The following CACNA1I variants were observed in gnomAD, a reference collection of about 807,000 sequenced individuals.
CACNA1I encodes the protein voltage-dependent T-type calcium channel subunit alpha-1I.
Under a neutral mutation model 201.6 loss-of-function variants are expected in CACNA1I, and 74 were observed. The observed-to-expected ratio is 0.37, with a 90% confidence interval of 0.30 to 0.45. CACNA1I has a LOEUF of 0.45. Among genes scored for constraint, CACNA1I ranks in the 20% least tolerant of loss-of-function variants. The pLI is 1.00. For synonymous variants in CACNA1I, 1,431 were observed against 1,345.2 expected (o/e 1.06, Z -1.40); for missense variants, 2,346 against 3,138.1 (o/e 0.75, Z 6.03).
chr22:39,665,222 G>A lies in CACNA1I; in HGVS notation c.3852-276G>A, dbSNP rs1038342897. Among the ~76,000 whole-genome samples the A allele has an allele frequency of 3.9e-5, 6 of 152,182 alleles. No individual in the cohort carries two copies. The highest frequency in any genetic ancestry group is 7.4e-5 in the Non-Finnish European group (5 of 68,018). ...ACCAGGGTGTGGTGTGGACCCCGAGGAGCTGGGCACAGTGAGGGGTGAGGG... is the reference window on the plus strand; with the variant it reads ...ACCAGGGTGTGGTGTGGACCCCGAGAAGCTGGGCACAGTGAGGGGTGAGGG... On this transcript the variant is annotated intron_variant, in intron 21 of 36. Coordinates refer to ENST00000402142, the MANE Select transcript of CACNA1I (RefSeq NM_021096.4). This position sits in a 1 kb window ranked among gnomAD's most constrained non-coding sequence, Gnocchi z 5.5.
chr22:39,581,115 G>A (rs1932533889), intron 1 of CACNA1I, among the ~76,000 whole-genome samples: 1 of 152,226 alleles, frequency 6.6e-6, no homozygotes. Flanking sequence ...TGAGTGACAG[G>A]AGAACAGGGC....
At chr22:39,578,035 C>T (rs894152858) in intron 1 of CACNA1I, among the ~76,000 whole-genome samples, 5 of 151,954 alleles carry the variant, frequency 3.3e-5, no homozygotes, top group Admixed American at 2.0e-4. Flanking sequence ...CTGGAGCTGA[C>T]GGAGTCGCTG....
chr22:39,626,078 G>A (rs905959472), intron 4 of CACNA1I, among the ~76,000 whole-genome samples: 35 of 152,224 alleles, frequency 2.3e-4, no homozygotes, highest in African/African-American at 8.0e-4. Context: ...TGACAATGCT[G>A]TGGGGAAGGC....
At chr22:39,596,140 A>G (rs1422252847) in intron 1 of CACNA1I, among the ~76,000 whole-genome samples, 85 of 70,192 alleles carry the variant, frequency 1.2e-3, no homozygotes, top group Middle Eastern at 6.1e-3. Context: ...CAGGGCGGAG[A>G]GAGATGGGGG....
At position 39,662,110 on chromosome 22, in the gene CACNA1I, G is replaced by A. The variant is rs1288246546; in HGVS notation, c.3047G>A (p.Arg1016Gln). 71 of 1,525,664 alleles carry A rather than the reference G, an allele frequency of 4.7e-5. No individual in the cohort carries two copies. Among genetic ancestry groups the A allele is most frequent in the Non-Finnish European group, 5.9e-5 (67 of 1,140,942 alleles). 94.5% of individuals were successfully genotyped at this position (1,525,664 alleles called of 1,614,324 possible). ...TCTGCGGAGCGCGGCGGCGGCGCCC[G>A]GGTCTGCGAGGTTGCCGCGGACGAG... ...LLSAERGGGARVCEVAADEGP... is the reference protein window; with the variant it reads ...LLSAERGGGAQVCEVAADEGP... The change falls in exon 17 of 37, where the codon CGG (arginine) becomes CAG (glutamine). Residue 1016 changes from arginine to glutamine, a missense_variant. Physicochemically the swap from Arg to Gln is conservative, Grantham distance 43. Transcript: ENST00000402142.
intron 7 of CACNA1I, 148 bp from the exon 8 acceptor site, chr22:39,646,421 C>A: frequency 7.8e-7 from 1 of 1,287,670 alleles, no homozygotes; most frequent in South Asian, 1.6e-5. Context: ...GCCTCTGTAC[C>A]GCCATCTCCA....
chr22:39,646,646 C>A lies in CACNA1I; in HGVS notation c.1227C>A (p.His409Gln), dbSNP rs766554740. 5 of 1,574,594 alleles carry A rather than the reference C, an allele frequency of 3.2e-6. No individual in the cohort carries two copies. The highest frequency in any genetic ancestry group is 3.4e-6 in the Non-Finnish European group (4 of 1,160,492). The change falls in exon 8 of 37, where the codon CAC (histidine) becomes CAA (glutamine). Residue 409 changes from histidine to glutamine, a missense_variant. Physicochemically the swap from His to Gln is conservative, Grantham distance 24. Coordinates refer to ENST00000402142, the MANE Select transcript of CACNA1I (RefSeq NM_021096.4). ...TQFSETKQRE[H>Q]RLMLEQRQRY... ...TCTCGGAGACCAAGCAACGGGAGCA[C>A]CGGCTGATGCTGGAGCAGCGGCAGC...
intron 1 of CACNA1I, chr22:39,571,238 T>C: frequency 5.5e-6 from 3 of 549,412 alleles, no homozygotes; most frequent in South Asian, 2.0e-5. Flanking sequence ...GTCCAGTGGC[T>C]GGCTGGCTCA....
chr22:39,632,965 T>C (rs999493412), intron 4 of CACNA1I, among the ~76,000 whole-genome samples: 6 of 151,968 alleles, frequency 3.9e-5, no homozygotes, highest in African/African-American at 1.4e-4. Flanking sequence ...GACCTAGTTT[T>C]GTGGAGAGGG....
chr22:39,622,537 G>A (rs574781912), intron 4 of CACNA1I, among the ~76,000 whole-genome samples: 1 of 150,794 alleles, frequency 6.6e-6, no homozygotes, highest in East Asian at 2.0e-4. Flanking sequence ...GAGGGCAGTG[G>A]GAGCATAGGA....
intron 3 of CACNA1I, among the ~76,000 whole-genome samples, chr22:39,613,916 C>G (rs1933457317): frequency 1.3e-5 from 2 of 152,132 alleles, no homozygotes; most frequent in South Asian, 4.1e-4. Context: ...CAGCTCACTG[C>G]AACCTCCGCC....
At chr22:39,632,523 C>A (rs1211056932) in intron 4 of CACNA1I, among the ~76,000 whole-genome samples, 1 of 152,136 alleles carries the variant, frequency 6.6e-6, no homozygotes, top group African/African-American at 2.4e-5. Context: ...CAGACACAGT[C>A]CTTTGGCTCA....
At chr22:39,582,824 C>A (rs1427938643) in intron 1 of CACNA1I, among the ~76,000 whole-genome samples, 1 of 147,674 alleles carries the variant, frequency 6.8e-6, no homozygotes, top group Non-Finnish European at 1.5e-5. Flanking sequence ...TTACTCCCCA[C>A]CCACCCTTCT....
rs1212826375 is a variant in CACNA1I at position 39,600,497 on chromosome 22, C to T, written c.349-23C>T. 3.7e-6 allele frequency: 6 copies of T among 1,607,226 alleles called. No homozygotes were observed. In the South Asian group the frequency reaches 5.5e-5, roughly 15 times the overall value. ...CTCTGCAACCTCACCCTGTCCCTTGCTTCCCTCCTCCTGCCCCTGCAGGTC... is the reference window on the plus strand; with the variant it reads ...CTCTGCAACCTCACCCTGTCCCTTGTTTCCCTCCTCCTGCCCCTGCAGGTC... On this transcript the variant is annotated intron_variant, in intron 2 of 36. Coordinates refer to ENST00000402142, the MANE Select transcript of CACNA1I (RefSeq NM_021096.4).
intron 7 of CACNA1I, chr22:39,643,593 CTCTGGCT>C (rs1464229340): frequency 6.5e-6 from 1 of 152,712 alleles, no homozygotes; most frequent in Non-Finnish European, 1.5e-5. Flanking sequence ...AGGTTGGGTT[CTCTGGCT>C]TCCTGGTGGT....
intron 3 of CACNA1I, among the ~76,000 whole-genome samples, chr22:39,617,219 G>C (rs1933565134): frequency 6.6e-6 from 1 of 152,208 alleles, no homozygotes; most frequent in Non-Finnish European, 1.5e-5. Flanking sequence ...TCATGGCGAG[G>C]CTTCATGGGG....
rs901337501 is a variant in CACNA1I, at chr22:39,664,093, A to G, written c.3600A>G (p.Glu1200=). 1 of 1,613,588 alleles carries G rather than the reference A, an allele frequency of 6.2e-7. No individual in the cohort carries two copies. The highest frequency in any genetic ancestry group is 1.1e-5 in the South Asian group (1 of 91,038). Residue 1200 remains glutamate (E), a splice_region_variant and synonymous_variant, in exon 20 of 37, where the codon GAA becomes GAG. Transcript: ENST00000402142. ...ERPQIEAGST[E]RIFLTVSNYI... ...ATGGTATCTCCCGATGCTTTCAGGA[A>G]CGCATCTTTCTCACCGTGTCCAACT...
intron 1 of CACNA1I, among the ~76,000 whole-genome samples, chr22:39,573,773 T>C (rs1323809603): frequency 1.3e-5 from 2 of 152,130 alleles, no homozygotes; most frequent in African/African-American, 2.4e-5. Flanking sequence ...CCTCAGGTCA[T>C]GTGGGTTGTG....
chr22:39,673,134 G>A (rs1030748859), intron 28 of CACNA1I, 52 bp downstream of exon 28: 5 of 1,101,930 alleles, frequency 4.5e-6, no homozygotes, highest in African/African-American at 1.6e-5. Context: ...GGCGGGATGA[G>A]ACTCCTCATT....
Sources: gnomAD v4.1 joint callset for allele counts (sites outside exome capture counted in the v4.1 genomes callset) on GRCh38, gnomAD v4.1.1 for gene constraint, Gnocchi (gnomAD v3.1) non-coding constraint, MANE v1.5 for transcripts, NCBI Gene and HGNC (gene_info 2026-07-23, HGNC 2026-07-21) for gene names.